Variants in ADGRV1 observed in about 807,000 individuals in gnomAD.
ADGRV1 encodes G-protein coupled receptor 98.
A neutral mutation model predicts 596.2 loss-of-function variants in ADGRV1; 359 were observed. That is an observed-to-expected ratio of 0.60 (90% confidence interval 0.55 to 0.66). ADGRV1 has a LOEUF of 0.66. ADGRV1 is among the 30% of genes least tolerant of loss of function. The probability of loss-of-function intolerance (pLI) is 0.00; values close to 1 mark genes in which losing one functional copy is unlikely to be tolerated. For missense variants in ADGRV1, 7,274 were observed against 7,575.6 expected, an observed-to-expected ratio of 0.96 and a Z score of 1.48; for synonymous variants, 2,681 against 2,679.2, an observed-to-expected ratio of 1.00 and a Z score of -0.02.
At position 90,969,766 on chromosome 5, in the gene ADGRV1, G is replaced by A. The variant is rs528554680; in HGVS notation, c.17973+4235G>A. On this transcript the variant is annotated intron_variant, in intron 84 of 89. Transcript: ENST00000405460. ...GGGCAGTTCCAAGATGGCCAAATAG[G>A]AATAGCTCCAGTCTACAGCTCCTAG... 5.9e-5 allele frequency among the ~76,000 whole-genome samples: 9 copies of A among 152,268 alleles called. 1 individual carries two copies. The highest frequency in any genetic ancestry group is 2.1e-4 in the South Asian group (1 of 4,822).
intron 79 of ADGRV1, among the ~76,000 whole-genome samples, chr5:90,850,511 G>T (rs977345423): frequency 6.6e-6 from 1 of 152,150 alleles, no homozygotes; most frequent in Non-Finnish European, 1.5e-5. Flanking sequence ...AAGTAAGTTT[G>T]CACTAAGTGA....
At position 90,890,640 on chromosome 5, in the gene ADGRV1, C is replaced by A. The variant is rs72782798; in HGVS notation, c.17856+26783C>A. On this transcript the variant is annotated intron_variant, in intron 83 of 89. Coordinates refer to ENST00000405460, the MANE Select transcript of ADGRV1 (RefSeq NM_032119.4). ...AAGTGTTCCATTTATTAACATGACCCTTTTACACGCCTCCTTACATATAAA... is the reference window on the plus strand; with the variant it reads ...AAGTGTTCCATTTATTAACATGACCATTTTACACGCCTCCTTACATATAAA... Among the ~76,000 whole-genome samples, 1,109 of 152,232 alleles carry A rather than the reference C, an allele frequency of 7.3e-3. 7 individuals are homozygous for A. The highest frequency in any genetic ancestry group is 0.012 in the Non-Finnish European group (782 of 67,984).
chr5:90,944,612 G>A lies in ADGRV1; in HGVS notation c.17857-20803G>A, dbSNP rs1021215996. On this transcript the variant is annotated intron_variant, in intron 83 of 89. Coordinates refer to ENST00000405460, the MANE Select transcript of ADGRV1 (RefSeq NM_032119.4). ...CAAGCAGTATTCACTTTTATGCTCA[G>A]ACTGGCTGGTACCCAAAACACCTTT... Among the ~76,000 whole-genome samples, 8 of 152,150 alleles carry A rather than the reference G, an allele frequency of 5.3e-5. No homozygotes were observed. In the South Asian group the frequency reaches 1.5e-3, roughly 28 times the overall value.
At chr5:91,145,816 A>G (rs1309791289) in intron 87 of ADGRV1, among the ~76,000 whole-genome samples, 1 of 152,226 alleles carries the variant, frequency 6.6e-6, no homozygotes, top group Admixed American at 6.5e-5. Context: ...TTGAGTAGAA[A>G]GGGGAGAAAG....
chr5:90,624,603 G>C (rs1014169008), intron 5 of ADGRV1, among the ~76,000 whole-genome samples: 1 of 152,004 alleles, frequency 6.6e-6, no homozygotes, highest in East Asian at 1.9e-4. Flanking sequence ...ATCATCTAAC[G>C]CATACCCATT....
At chr5:91,108,112 G>A (rs1467385310) in intron 87 of ADGRV1, among the ~76,000 whole-genome samples, 1 of 152,154 alleles carries the variant, frequency 6.6e-6, no homozygotes, top group African/African-American at 2.4e-5. Flanking sequence ...GGTACCAGAT[G>A]CTTAGTGAAT....
intron 87 of ADGRV1, among the ~76,000 whole-genome samples, chr5:91,104,502 G>A (rs529553260): frequency 6.6e-6 from 1 of 152,276 alleles, no homozygotes; most frequent in South Asian, 2.1e-4. Flanking sequence ...TAGTCATCCT[G>A]TAGTGCTATA....
intron 70 of ADGRV1, 41 bp from the exon 71 acceptor site, chr5:90,802,698 C>G (rs964406260): frequency 1.3e-6 from 2 of 1,578,240 alleles, no homozygotes; most frequent in Admixed American, 1.8e-5. Flanking sequence ...GCATTTTTCT[C>G]TGAAAATTAT....
At chr5:90,764,829 T>A (rs759873091) in intron 59 of ADGRV1, among the ~76,000 whole-genome samples, 17 of 152,170 alleles carry the variant, frequency 1.1e-4, no homozygotes, top group Non-Finnish European at 2.4e-4. Flanking sequence ...TATGGCACCC[T>A]CCATCTCATT....
Position 91,157,288 on chromosome 5 carries a change from A to G in ADGRV1, c.18802+3890A>G, listed in dbSNP as rs993082660. Among the ~76,000 whole-genome samples the G allele has an allele frequency of 3.3e-5, 5 of 152,220 alleles. No individual in the cohort carries two copies. In the South Asian group the frequency reaches 1.0e-3, roughly 31 times the overall value. The stretch of plus-strand genomic sequence containing the variant: ...TGCATGTGTTTAAAAAGTTTTTCAT[A>G]ATCAGTTTAAATGGTATCAAATAAT... On this transcript the variant is annotated intron_variant, in intron 89 of 89. Transcript: ENST00000405460.
intron 78 of ADGRV1, among the ~76,000 whole-genome samples, chr5:90,845,335 C>T (rs1264036613): frequency 1.3e-5 from 2 of 152,016 alleles, no homozygotes; most frequent in African/African-American, 4.8e-5. Context: ...GTGCTGAAAA[C>T]TACAAGGTCC....
At chr5:90,705,652 C>A in intron 37 of ADGRV1, 73 bp downstream of exon 37, 1 of 1,206,444 alleles carries the variant, frequency 8.3e-7, no homozygotes, top group Non-Finnish European at 1.2e-6. Flanking sequence ...TGGATGAAAG[C>A]CATTGCTAAA....
chr5:91,097,791 G>C (rs565319960), intron 86 of ADGRV1, among the ~76,000 whole-genome samples: 4 of 152,064 alleles, frequency 2.6e-5, no homozygotes, highest in Non-Finnish European at 5.9e-5. Flanking sequence ...ATGGTATCAC[G>C]GTGGTTTTGA....
chr5:90,986,105 ATT>A (rs1041467361), intron 85 of ADGRV1, among the ~76,000 whole-genome samples: 16 of 126,980 alleles, frequency 1.3e-4, no homozygotes, highest in African/African-American at 3.5e-4. Flanking sequence ...ATATATATAT[ATT>A]ATGCATATAT....
At chr5:90,927,233 G>T (rs562004621) in intron 83 of ADGRV1, among the ~76,000 whole-genome samples, 1 of 150,968 alleles carries the variant, frequency 6.6e-6, no homozygotes, top group African/African-American at 2.5e-5. Context: ...TGACAGTGGG[G>T]TGTTAAAGTC....
At chr5:90,660,219 A>G (rs1770066051) in intron 21 of ADGRV1, among the ~76,000 whole-genome samples, 2 of 152,120 alleles carry the variant, frequency 1.3e-5, no homozygotes, top group South Asian at 4.1e-4. Context: ...TTATGTTAGC[A>G]TGTAATGGGT....
intron 18 of ADGRV1, 114 bp downstream of exon 18, chr5:90,651,844 T>G: frequency 1.5e-6 from 1 of 658,348 alleles, no homozygotes; most frequent in East Asian, 2.9e-5. Flanking sequence ...TTGAGTAATT[T>G]CAAAGTTGGC....
intron 83 of ADGRV1, among the ~76,000 whole-genome samples, chr5:90,932,870 C>T (rs1442708317): frequency 6.6e-6 from 1 of 151,812 alleles, no homozygotes; most frequent in South Asian, 2.1e-4. Flanking sequence ...CACACAGCAA[C>T]AAGACTGTAT....
chr5:91,113,191 C>T (rs1483369744), intron 87 of ADGRV1, among the ~76,000 whole-genome samples: 1 of 152,106 alleles, frequency 6.6e-6, no homozygotes, highest in Non-Finnish European at 1.5e-5. Flanking sequence ...TACCAAATGC[C>T]TTTAGGCTCA....
Sources: gnomAD v4.1 joint callset for allele counts (sites outside exome capture counted in the v4.1 genomes callset) on GRCh38, gnomAD v4.1.1 for gene constraint, MANE v1.5 for transcripts, NCBI Gene and HGNC (gene_info 2026-07-23, HGNC 2026-07-21) for gene names.